TNIK: variants seen among roughly 807,000 people sequenced by gnomAD.
The protein encoded by TNIK is TRAF2 and NCK-interacting protein kinase.
A neutral mutation model predicts 191.3 loss-of-function variants in TNIK; 49 were observed. The ratio of observed to expected loss-of-function variants is 0.26; its 90% CI spans 0.20 to 0.32. The LOEUF is 0.32. Ranked by LOEUF, TNIK falls within the 10% of genes least tolerant of loss-of-function variation. The pLI, the probability that TNIK is intolerant of heterozygous loss-of-function variation, is 1.00. For synonymous variants in TNIK, 594 were observed against 600.9 expected, an observed-to-expected ratio of 0.99 and a Z score of 0.17; for missense variants, 1,155 against 1,702.3, an observed-to-expected ratio of 0.68 and a Z score of 5.66.
At chr3:171,264,483 G>C (rs1258560968) in intron 2 of TNIK, among the ~76,000 whole-genome samples, 1 of 152,018 alleles carries the variant, frequency 6.6e-6, no homozygotes, top group Non-Finnish European at 1.5e-5. Context: ...AGCCCCCCGA[G>C]TAGCTAGGAT....
intron 15 of TNIK, among the ~76,000 whole-genome samples, chr3:171,137,108 C>CTTTTTT (rs71176593): frequency 2.2e-4 from 23 of 104,156 alleles, no homozygotes; most frequent in African/African-American, 6.1e-4. Flanking sequence ...TTTAAAAATC[C>CTTTTTT]TTTTTTTTTT....
intron 2 of TNIK, among the ~76,000 whole-genome samples, chr3:171,231,325 T>G (rs911726268): frequency 3.3e-5 from 5 of 152,048 alleles, no homozygotes; most frequent in African/African-American, 4.8e-5. Flanking sequence ...TTGTTTTTTT[T>G]TTTGTTTTTT....
intron 3 of TNIK, among the ~76,000 whole-genome samples, chr3:171,222,136 G>A (rs1244442295): frequency 6.6e-6 from 1 of 152,152 alleles, no homozygotes; most frequent in Non-Finnish European, 1.5e-5. Flanking sequence ...TCAGTAAGGA[G>A]ATGAGTGGAA....
intron 2 of TNIK, among the ~76,000 whole-genome samples, chr3:171,363,873 C>T (rs867869983): frequency 6.6e-6 from 1 of 152,304 alleles, no homozygotes; most frequent in African/African-American, 2.4e-5. Context: ...AATAAAAACA[C>T]TGAAAGTCAA....
chr3:171,244,083 CAG>C (rs1560312742), intron 2 of TNIK, among the ~76,000 whole-genome samples: 3 of 108,940 alleles, frequency 2.8e-5, no homozygotes, highest in Admixed American at 2.1e-4. Flanking sequence ...TTTTTTAAGA[CAG>C]AGTCTCGCTC....
Position 171,404,485 on chromosome 3 carries a change from C to A in TNIK, c.58-34800G>T, listed in dbSNP as rs534507229. On this transcript the variant is annotated intron_variant, in intron 1 of 32. Transcript: ENST00000436636. ...AGAAATCATGAACAATCTGATCTTC[C>A]AAATGCTTGGGTGTTACTAAAGATA... Among the ~76,000 whole-genome samples the A allele has an allele frequency of 5.9e-5, 9 of 151,860 alleles. No individual in the cohort carries two copies. The East Asian group carries it at 1.2e-3, about 20-fold the overall frequency.
At chr3:171,085,779 CT>C (rs1287154431) in intron 24 of TNIK, among the ~76,000 whole-genome samples, 2 of 152,138 alleles carry the variant, frequency 1.3e-5, no homozygotes, top group African/African-American at 4.8e-5. Context: ...TGATTTTATG[CT>C]GGAATTGAAG....
chr3:171,229,526 G>A lies in TNIK; in HGVS notation c.124-1305C>T, dbSNP rs370144752. 2.6e-4 allele frequency among the ~76,000 whole-genome samples: 39 copies of A among 152,180 alleles called. 1 individual carries two copies. Among genetic ancestry groups the A allele is most frequent in the African/African-American group, 8.9e-4 (37 of 41,508 alleles). ...TTGGATCAAATTTTTTAAAAGTTGT[G>A]GTAGAAAACATTAGTGGGTCAATTT... is the stretch of plus-strand genomic sequence containing the variant. On this transcript the variant is annotated intron_variant, in intron 2 of 32. Transcript: ENST00000436636.
intron 2 of TNIK, chr3:171,347,235 A>AG: frequency 7.2e-6 from 11 of 1,523,048 alleles, no homozygotes; most frequent in Non-Finnish European, 9.6e-6. Flanking sequence ...AAAAAAAAAA[A>AG]AGAAAAGAAA....
At chr3:171,144,513 G>T (rs1306692416) in intron 12 of TNIK, among the ~76,000 whole-genome samples, 2 of 151,968 alleles carry the variant, frequency 1.3e-5, no homozygotes, top group African/African-American at 4.8e-5. Context: ...TGTAATAATT[G>T]GACATATTTA....
intron 2 of TNIK, among the ~76,000 whole-genome samples, chr3:171,242,486 G>A (rs1329951459): frequency 6.6e-6 from 1 of 151,596 alleles, no homozygotes; most frequent in Non-Finnish European, 1.5e-5. Flanking sequence ...TACTTGCCTA[G>A]GATCCAAAAG....
intron 1 of TNIK, among the ~76,000 whole-genome samples, chr3:171,434,466 TA>T (rs36144246): frequency 5.4e-5 from 8 of 147,736 alleles, no homozygotes; most frequent in African/African-American, 1.8e-4. Flanking sequence ...TTTATTTATT[TA>T]TTTTTTTTGA....
At chr3:171,110,648 CT>C in intron 19 of TNIK, 65 bp downstream of exon 19, 2 of 1,496,226 alleles carry the variant, frequency 1.3e-6, no homozygotes, top group Non-Finnish European at 1.8e-6. Flanking sequence ...AGTAACTAAC[CT>C]TTTTCCCTGT....
chr3:171,142,406 G>A (rs1474048840), intron 12 of TNIK, among the ~76,000 whole-genome samples: 1 of 152,192 alleles, frequency 6.6e-6, no homozygotes, highest in African/African-American at 2.4e-5. Flanking sequence ...CAGCCAAGAG[G>A]AATAAAGACT....
intron 18 of TNIK, among the ~76,000 whole-genome samples, chr3:171,119,765 G>A (rs192017749): frequency 1.3e-5 from 2 of 150,464 alleles, no homozygotes; most frequent in East Asian, 4.0e-4. Context: ...CATGGACACA[G>A]TAAGGGGAAC....
At chr3:171,296,566 A>G (rs1752308432) in intron 2 of TNIK, among the ~76,000 whole-genome samples, 1 of 152,202 alleles carries the variant, frequency 6.6e-6, no homozygotes. Flanking sequence ...TTCAATCCTG[A>G]TTCACCACCT....
intron 1 of TNIK, among the ~76,000 whole-genome samples, chr3:171,401,732 T>C (rs1205426049): frequency 6.6e-6 from 1 of 152,114 alleles, no homozygotes; most frequent in Non-Finnish European, 1.5e-5. Flanking sequence ...GATGGTCAGA[T>C]TAATCTATAT....
chr3:171,423,410 A>G (rs1724082923), intron 1 of TNIK, among the ~76,000 whole-genome samples: 2 of 152,278 alleles, frequency 1.3e-5, no homozygotes, highest in African/African-American at 4.8e-5. Context: ...ATACTGCCCA[A>G]GGTAATTTAT....
Position 171,433,545 on chromosome 3 carries a change from C to T in TNIK, c.57+26462G>A, listed in dbSNP as rs145644626. On this transcript the variant is annotated intron_variant, in intron 1 of 32. Coordinates refer to ENST00000436636, the MANE Select transcript of TNIK (RefSeq NM_015028.4). ...GTGTATAACTGTTAAAACTTTTATG[C>T]GGCAAATATTGCATCACAGACACAG... 1.4e-3 allele frequency among the ~76,000 whole-genome samples: 209 copies of T among 152,126 alleles called. 1 individual carries two copies. The highest frequency in any genetic ancestry group is 4.7e-3 in the African/African-American group (194 of 41,512).
Sources: allele counts gnomAD v4.1 joint callset (sites outside exome capture counted in the v4.1 genomes callset), GRCh38; gene constraint gnomAD v4.1.1; transcripts MANE v1.5; gene names NCBI Gene and HGNC (gene_info 2026-07-23, HGNC 2026-07-21).